The following MAOB variants were observed in gnomAD, a reference collection of about 807,000 sequenced individuals.
The protein encoded by MAOB is amine oxidase [flavin-containing] B.
Under a neutral mutation model 41.9 loss-of-function variants are expected in MAOB, and 15 were observed. The observed-to-expected ratio is 0.36, with a 90% confidence interval of 0.24 to 0.55. The LOEUF is 0.55. Among genes scored for constraint, MAOB ranks in the 20% least tolerant of loss-of-function variants. The pLI is 0.86. For synonymous variants in MAOB, 167 were observed against 144.2 expected, an observed-to-expected ratio of 1.16 and a Z score of -1.13; for missense variants, 345 against 398.7, an observed-to-expected ratio of 0.87 and a Z score of 1.15.
intron 1 of MAOB, among the ~76,000 whole-genome samples, chrX:43,880,770 A>G (rs1401805936): frequency 1.8e-5 from 2 of 112,223 alleles, no homozygotes; most frequent in East Asian, 5.6e-4. Context: ...TCAGAAAGGG[A>G]CAAATCATGA....
rs1005274588 is a variant in MAOB at position 43,841,472 on chromosome X, G to A, written c.141+2198C>T. 8.1e-5 allele frequency among the ~76,000 whole-genome samples: 9 copies of A among 111,708 alleles called. No homozygotes were observed. The Admixed American group carries it at 8.6e-4, about 11-fold the overall frequency. ...ATTGGGAGAATTAATAATGTAAAAT[G>A]TCCATACTACCCAAAGTGATCCATA... is the stretch of plus-strand genomic sequence containing the variant. On this transcript the variant is annotated intron_variant, in intron 2 of 14. Transcript: ENST00000378069.
At chrX:43,878,991 T>A (rs1312561434) in intron 1 of MAOB, among the ~76,000 whole-genome samples, 1 of 112,232 alleles carries the variant, frequency 8.9e-6, no homozygotes, top group Non-Finnish European at 1.9e-5. Flanking sequence ...TTAGTTTTTA[T>A]TTTGGGGATT....
intron 3 of MAOB, among the ~76,000 whole-genome samples, chrX:43,825,177 C>A (rs2034930782): frequency 9.0e-6 from 1 of 111,577 alleles, no homozygotes; most frequent in Non-Finnish European, 1.9e-5. Flanking sequence ...TTACACCGTG[C>A]AAAATCTACA....
chrX:43,878,838 C>G (rs1316648523), intron 1 of MAOB, among the ~76,000 whole-genome samples: 2 of 111,369 alleles, frequency 1.8e-5, no homozygotes, highest in Admixed American at 9.6e-5. Context: ...ACAAAGATCA[C>G]CTGCCAGGTG....
intron 3 of MAOB, among the ~76,000 whole-genome samples, chrX:43,820,398 A>G (rs960506679): frequency 1.8e-5 from 2 of 112,351 alleles, no homozygotes; most frequent in Non-Finnish European, 3.7e-5. Flanking sequence ...GTAAAATTTC[A>G]GGTTCATAAA....
chrX:43,877,956 T>A (rs1376626480), intron 1 of MAOB, among the ~76,000 whole-genome samples: 1 of 112,379 alleles, frequency 8.9e-6, no homozygotes, highest in Non-Finnish European at 1.9e-5. Flanking sequence ...GAAATGCCTG[T>A]TTTTGCTCCC....
In MAOB at chrX:43,775,068, T is replaced by G. The variant is rs367714263; in HGVS notation, c.1235+107A>C. ...GGAAATTGGGTTGTTTTTTTTTTTT[T>G]TTTTTGTATTTATAAGAAACAAGGG... is the stretch of plus-strand genomic sequence containing the variant. On this transcript the variant is annotated intron_variant, in intron 12 of 14. Transcript: ENST00000378069. 2.4e-5 allele frequency: 21 copies of G among 886,565 alleles called. No homozygotes were observed. In the African/African-American group the frequency reaches 2.9e-4, roughly 12 times the overall value. The allele number at this position is 886,565 out of a possible 1,213,427, so 73.1% of individuals were successfully genotyped here. A position where few individuals can be genotyped will look rare whatever the true frequency, so the allele number is the denominator to read the frequency against.
chrX:43,827,672 C>G (rs2034965745), intron 3 of MAOB, among the ~76,000 whole-genome samples: 1 of 111,166 alleles, frequency 9.0e-6, no homozygotes, highest in Non-Finnish European at 1.9e-5. Flanking sequence ...GGAAGACTAT[C>G]AAAGAATGTG....
rs2034315789 is a variant in MAOB, at chrX:43,780,412, A to G, written c.1026-17T>C. On this transcript the variant is annotated splice_polypyrimidine_tract_variant and intron_variant, in intron 9 of 14. Transcript: ENST00000378069. ...AGGATAAATCTAAAGAATATAAACAAGAAAAAGGGGAGAAATTAATGGTTG... is the reference window on the plus strand; with the variant it reads ...AGGATAAATCTAAAGAATATAAACAGGAAAAAGGGGAGAAATTAATGGTTG... 8.7e-7 allele frequency: 1 copy of G among 1,153,112 alleles called. No homozygotes were observed. Among genetic ancestry groups the G allele is most frequent in the Non-Finnish European group, 1.2e-6 (1 of 845,634 alleles).
At chrX:43,871,385 A>G (rs1363691889) in intron 1 of MAOB, among the ~76,000 whole-genome samples, 1 of 110,537 alleles carries the variant, frequency 9.0e-6, no homozygotes, top group Non-Finnish European at 1.9e-5. Flanking sequence ...CTATATTTCA[A>G]GGAAGAACAT....
In MAOB at chrX:43,849,528, G is replaced by A. The variant is rs113242219; in HGVS notation, c.47-5764C>T. ...TTTCCAAAACATGTCCTTCATTCAG[G>A]CGAATGCAGCTCACAAGGTGCATGC... On this transcript the variant is annotated intron_variant, in intron 1 of 14. Transcript: ENST00000378069. Among the ~76,000 whole-genome samples, 645 of 112,674 alleles carry A rather than the reference G, an allele frequency of 5.7e-3. 6 individuals are homozygous for A. Among genetic ancestry groups the A allele is most frequent in the Non-Finnish European group, 6.7e-3 (355 of 53,312 alleles).
chrX:43,839,472 T>A (rs1172940804), intron 2 of MAOB, among the ~76,000 whole-genome samples: 8 of 112,400 alleles, frequency 7.1e-5, no homozygotes, highest in Admixed American at 5.7e-4. Flanking sequence ...ATTGCTTTTA[T>A]GTTTAATAGT....
At chrX:43,784,030 T>C (rs899325676) in intron 8 of MAOB, among the ~76,000 whole-genome samples, 3 of 112,192 alleles carry the variant, frequency 2.7e-5, no homozygotes, top group African/African-American at 9.7e-5. Context: ...ACTCCCCATC[T>C]ATTTAAGTTT....
intron 2 of MAOB, among the ~76,000 whole-genome samples, chrX:43,840,298 T>C (rs1165997375): frequency 9.0e-6 from 1 of 111,596 alleles, no homozygotes; most frequent in Non-Finnish European, 1.9e-5. Flanking sequence ...ACCCTCACTG[T>C]AGCATTTTCC....
chrX:43,869,458 CAGTTGAGGGGTT>C (rs1461874566), intron 1 of MAOB, among the ~76,000 whole-genome samples: 2 of 111,551 alleles, frequency 1.8e-5, no homozygotes, highest in African/African-American at 6.5e-5. Context: ...AGCAAATCAG[CAGTTGAGGGGTT>C]AGCTCCCCAG....
chrX:43,822,870 T>C (rs1463673430), intron 3 of MAOB, among the ~76,000 whole-genome samples: 3 of 111,210 alleles, frequency 2.7e-5, no homozygotes, highest in South Asian at 7.6e-4. Flanking sequence ...ACCAGTATCA[T>C]CATGATCATT....
At chrX:43,778,632 G>T in intron 11 of MAOB, 50 bp downstream of exon 11, 2 of 1,027,222 alleles carry the variant, frequency 1.9e-6, no homozygotes, top group Non-Finnish European at 2.7e-6. Flanking sequence ...GTCACTTGGG[G>T]ACAAAGAAAG....
chrX:43,870,465 C>T (rs1426829720), intron 1 of MAOB, among the ~76,000 whole-genome samples: 3 of 111,002 alleles, frequency 2.7e-5, no homozygotes, highest in South Asian at 3.8e-4. Flanking sequence ...GACTAAGCAC[C>T]GTCTCCAGGC....
intron 1 of MAOB, among the ~76,000 whole-genome samples, chrX:43,856,956 T>A (rs1602029297): frequency 1.1e-5 from 1 of 88,607 alleles, no homozygotes. Context: ...TACAATTTAA[T>A]TTTTTTTTTT....
Sources: allele counts gnomAD v4.1 joint callset (sites outside exome capture counted in the v4.1 genomes callset), GRCh38; gene constraint gnomAD v4.1.1; transcripts MANE v1.5; gene names NCBI Gene and HGNC (gene_info 2026-07-23, HGNC 2026-07-21).